ABLIM2: variants seen among roughly 807,000 people sequenced by gnomAD.
ABLIM2 encodes the protein actin binding LIM protein family member 2.
A neutral mutation model predicts 97.7 loss-of-function variants in ABLIM2; 53 were observed. That is an observed-to-expected ratio of 0.54 (90% CI 0.44 to 0.68). ABLIM2 has a LOEUF of 0.68. ABLIM2 is among the 30% of genes least tolerant of loss of function. The pLI, the probability that ABLIM2 is intolerant of heterozygous loss-of-function variation, is 0.00. For synonymous variants in ABLIM2, 361 were observed against 345.8 expected, an observed-to-expected ratio of 1.04 and a Z score of -0.49; for missense variants, 835 against 867.2, an observed-to-expected ratio of 0.96 and a Z score of 0.47.
At chr4:7,973,379 T>C (rs570050261) in intron 20 of ABLIM2, among the ~76,000 whole-genome samples, 241 of 150,890 alleles carry the variant, frequency 1.6e-3, no homozygotes, top group African/African-American at 5.7e-3. Flanking sequence ...TACATGCCTG[T>C]AGTCCCAGCT....
At chr4:8,115,138 A>G (rs1280721223) in intron 1 of ABLIM2, among the ~76,000 whole-genome samples, 1 of 152,128 alleles carries the variant, frequency 6.6e-6, no homozygotes, top group Non-Finnish European at 1.5e-5. Context: ...ATGTGTGCAG[A>G]TGAAACTGAT....
At chr4:8,154,815 G>A (rs1226627034) in intron 1 of ABLIM2, among the ~76,000 whole-genome samples, 2 of 152,160 alleles carry the variant, frequency 1.3e-5, no homozygotes, top group African/African-American at 2.4e-5. Flanking sequence ...GACATACCCA[G>A]GACTGGGTAA....
chr4:8,131,756 TCCCTGA>T (rs1849439260), intron 1 of ABLIM2, among the ~76,000 whole-genome samples: 3 of 85,774 alleles, frequency 3.5e-5, no homozygotes, highest in African/African-American at 1.2e-4. Flanking sequence ...GCAGCCCGCA[TCCCTGA>T]GCACAGCAGC....
At position 8,158,763 on chromosome 4, in the gene ABLIM2, C is replaced by G. The variant is rs1332714903; in HGVS notation, c.-74G>C. On this transcript the variant is annotated 5_prime_UTR_variant, in exon 1 of 21. Transcript: ENST00000447017. ...CCCTCGGGCCCGCAGGTGCCGCGCC[C>G]GCGCTATCCTCCGCCCGCCCGCCGG... is the stretch of plus-strand genomic sequence containing the variant. The G allele has an allele frequency of 1.3e-5, 16 of 1,276,242 alleles. No homozygotes were observed. Among genetic ancestry groups the G allele is most frequent in the Admixed American group, 4.2e-5 (1 of 24,062 alleles). 79.1% of individuals were successfully genotyped at this position (1,276,242 alleles called of 1,614,324 possible). A position where few individuals can be genotyped will look rare whatever the true frequency, so the allele number is the denominator to read the frequency against.
chr4:8,025,349 C>T (rs1459981355), intron 12 of ABLIM2, among the ~76,000 whole-genome samples: 1 of 152,206 alleles, frequency 6.6e-6, no homozygotes, highest in Non-Finnish European at 1.5e-5. Context: ...GGGAAGGTGC[C>T]TCCTGGCCCC....
At chr4:7,968,739 G>A in intron 20 of ABLIM2, among the ~76,000 whole-genome samples, 1 of 152,300 alleles carries the variant, frequency 6.6e-6, no homozygotes, top group East Asian at 1.9e-4. Flanking sequence ...TGAAGAAAAT[G>A]TTCCGGAGCT....
intron 14 of ABLIM2, among the ~76,000 whole-genome samples, chr4:8,017,887 G>C (rs890651341): frequency 6.6e-6 from 1 of 152,128 alleles, no homozygotes; most frequent in Non-Finnish European, 1.5e-5. Flanking sequence ...CAGGTACTTG[G>C]GAAGCTGAGG....
chr4:8,158,795 G>T lies in ABLIM2; in HGVS notation c.-106C>A, dbSNP rs1342178352. 16 of 1,070,438 alleles carry T rather than the reference G, an allele frequency of 1.5e-5. No individual in the cohort carries two copies. In the African/African-American group the frequency reaches 2.7e-4, roughly 18 times the overall value. 66.3% of individuals were successfully genotyped at this position (1,070,438 alleles called of 1,614,324 possible). On this transcript the variant is annotated 5_prime_UTR_variant, in exon 1 of 21. Transcript: ENST00000447017. ...TCCTCCGCCCGCCCGCCGGCTCCGC[G>T]CCCGCTCCTTGCGCACACGCCAGGC...
chr4:8,158,537 G>C, intron 1 of ABLIM2, 143 bp downstream of exon 1: 1 of 1,084,394 alleles, frequency 9.2e-7, no homozygotes, highest in African/African-American at 1.7e-5. Flanking sequence ...CCTCGGGGCT[G>C]CAAAATCCTG....
chr4:8,088,269 G>A lies in ABLIM2; in HGVS notation c.354C>T (p.Pro118=), dbSNP rs527914427. 1.6e-5 allele frequency: 25 copies of A among 1,607,488 alleles called. No homozygotes were observed. Among genetic ancestry groups the A allele is most frequent in the East Asian group, 6.7e-5 (3 of 44,576 alleles). Reference sequence around the variant, plus strand: ...TCCCGTTGAAGGTCACTCGGTCCCCGGGGGGGAAGGGCAGCCTGAAACAAG... The same window carrying A: ...TCCCGTTGAAGGTCACTCGGTCCCCAGGGGGGAAGGGCAGCCTGAAACAAG... ...VCAVCRLPFP[P]GDRVTFNGKE... Residue 118 remains proline, a synonymous_variant, in exon 4 of 21, where the codon CCC becomes CCT. Transcript: ENST00000447017.
rs374412454 is a variant in ABLIM2 at position 8,157,787 on chromosome 4, C to G, written c.10+893G>C. Among the ~76,000 whole-genome samples, 67 of 152,394 alleles carry G rather than the reference C, an allele frequency of 4.4e-4. 2 individuals are homozygous for G. In the East Asian group the frequency reaches 0.011, roughly 26 times the overall value. ...GCCCGGGGTTCGAATCCCCGCCCCC[C>G]CTTCCTGAGCCAAGCAAGTGACTCA... is the stretch of plus-strand genomic sequence containing the variant. On this transcript the variant is annotated intron_variant, in intron 1 of 20. Coordinates refer to ENST00000447017, the MANE Select transcript of ABLIM2 (RefSeq NM_001130083.2).
At position 8,046,394 on chromosome 4, in the gene ABLIM2, C is replaced by T. The variant is rs1380460921; in HGVS notation, c.823-1153G>A. ...TCCTGGTTCAGCCCTCACTCCTGGG[C>T]CACCTGCCTGGCCTTCCCCACGCCT... On this transcript the variant is annotated intron_variant, in intron 8 of 20. Transcript: ENST00000447017. The surrounding 1 kb of genome is among the most constrained non-coding windows in gnomAD (Gnocchi z 4.4). 6.6e-6 allele frequency among the ~76,000 whole-genome samples: 1 copy of T among 152,096 alleles called. No homozygotes were observed. The highest frequency in any genetic ancestry group is 1.5e-5 in the Non-Finnish European group (1 of 68,010).
chr4:7,980,385 T>C (rs4696930), intron 20 of ABLIM2, among the ~76,000 whole-genome samples: 25,863 of 152,078 alleles, frequency 0.17, 2,757 homozygotes, highest in East Asian at 0.5. Context: ...ATACAAATAT[T>C]GTACCCCTAA....
rs372312788 is a variant in ABLIM2 at position 8,014,490 on chromosome 4, G to A, written c.1423+5128C>T. On this transcript the variant is annotated intron_variant, in intron 14 of 20. Transcript: ENST00000447017. ...AGGCAGAGGGAGGGAGAGAATGTGT[G>A]TGTGTGTGTATGTGAGTGAGTATGT... is the stretch of plus-strand genomic sequence containing the variant. 5.3e-4 allele frequency among the ~76,000 whole-genome samples: 81 copies of A among 152,352 alleles called. 3 individuals carry two copies. The East Asian group carries it at 0.014, about 26-fold the overall frequency.
At position 8,106,454 on chromosome 4, in the gene ABLIM2, G is replaced by A. The variant is rs748884940; in HGVS notation, c.154+40C>T. ...GCCCAGGATCGCCGCTGGGAGGCCC[G>A]TTTCAGGGGCCACACTGCAGGGGAC... On this transcript the variant is annotated intron_variant, in intron 2 of 20. Transcript: ENST00000447017. 82 of 1,569,530 alleles carry A rather than the reference G, an allele frequency of 5.2e-5. No homozygotes were observed. In the South Asian group the frequency reaches 6.1e-4, roughly 12 times the overall value.
intron 8 of ABLIM2, among the ~76,000 whole-genome samples, chr4:8,048,858 C>A (rs1026734008): frequency 3.3e-5 from 5 of 152,162 alleles, no homozygotes; most frequent in Non-Finnish European, 7.4e-5. Context: ...GCAGGGACCC[C>A]TCTGAGCTGA....
rs554323517 is a variant in ABLIM2, at chr4:7,986,965, C to A, written c.1681-2072G>T. Among the ~76,000 whole-genome samples the A allele has an allele frequency of 6.6e-5, 10 of 152,254 alleles. No homozygotes were observed. Among genetic ancestry groups the A allele is most frequent in the Admixed American group, 3.3e-4 (5 of 15,300 alleles). Reference sequence around the variant, plus strand: ...GGATTATAGGCATAAGCCACTGCGCCCGGTCATGCAAATAATTTTTAATTT... The same window carrying A: ...GGATTATAGGCATAAGCCACTGCGCACGGTCATGCAAATAATTTTTAATTT... On this transcript the variant is annotated intron_variant, in intron 17 of 20. Coordinates refer to ENST00000447017, the MANE Select transcript of ABLIM2 (RefSeq NM_001130083.2). The surrounding 1 kb of genome is among the most constrained non-coding windows in gnomAD (Gnocchi z 4.3).
rs1383453224 is a variant in ABLIM2, at chr4:8,069,451, G to A, written c.675+8177C>T. ...GCACATTGCCCGGGGACCAGGGGAC[G>A]CAAGGGAGGACACGACAGGCCAGCG... On this transcript the variant is annotated intron_variant, in intron 6 of 20. Transcript: ENST00000447017. The surrounding 1 kb of genome is among the most constrained non-coding windows in gnomAD (Gnocchi z 4.2). 2.0e-5 allele frequency among the ~76,000 whole-genome samples: 3 copies of A among 152,240 alleles called. No homozygotes were observed. The highest frequency in any genetic ancestry group is 4.4e-5 in the Non-Finnish European group (3 of 68,034).
At chr4:8,129,164 T>C (rs1481814697) in intron 1 of ABLIM2, among the ~76,000 whole-genome samples, 4 of 152,202 alleles carry the variant, frequency 2.6e-5, no homozygotes, top group Non-Finnish European at 1.5e-5. Flanking sequence ...AATGTTTCCT[T>C]TTAACATTTC....
Sources: allele counts gnomAD v4.1 joint callset (sites outside exome capture counted in the v4.1 genomes callset), GRCh38; gene constraint gnomAD v4.1.1; non-coding constraint Gnocchi (gnomAD v3.1); transcripts MANE v1.5; gene names NCBI Gene and HGNC (gene_info 2026-07-23, HGNC 2026-07-21).